The following NLGN1 variants were observed in gnomAD, a reference collection of about 807,000 sequenced individuals.
The protein encoded by NLGN1 is neuroligin 1.
Under a neutral mutation model 65.5 loss-of-function variants are expected in NLGN1, and 12 were observed. The ratio of observed to expected loss-of-function variants is 0.18; its 90% CI spans 0.12 to 0.30. NLGN1 has a LOEUF of 0.30. Ranked by LOEUF, NLGN1 falls within the 10% of genes least tolerant of loss-of-function variation. NLGN1 has a pLI of 1.00. For synonymous variants in NLGN1, 350 were observed against 359.5 expected (o/e 0.97, Z 0.30); for missense variants, 750 against 1,007.1 (o/e 0.74, Z 3.46).
chr3:174,047,927 A>G (rs1472983150), intron 4 of NLGN1, among the ~76,000 whole-genome samples: 1 of 152,106 alleles, frequency 6.6e-6, no homozygotes, highest in Non-Finnish European at 1.5e-5. Flanking sequence ...AGAGTTCAAA[A>G]TGGATGTTCT....
chr3:173,866,436 GTC>G (rs1183915295), intron 4 of NLGN1, among the ~76,000 whole-genome samples: 2 of 152,180 alleles, frequency 1.3e-5, no homozygotes, highest in African/African-American at 2.4e-5. Context: ...ACTAATGTAT[GTC>G]TCTCTGTAAA....
intron 4 of NLGN1, among the ~76,000 whole-genome samples, chr3:174,092,081 GATAA>G (rs150689881): frequency 0.021 from 3,245 of 152,262 alleles, 50 homozygotes; most frequent in Non-Finnish European, 0.028. Flanking sequence ...TGTATGAAGA[GATAA>G]ATAAAAGGAA....
At chr3:173,472,799 C>T (rs77564180) in intron 2 of NLGN1, among the ~76,000 whole-genome samples, 6 of 152,098 alleles carry the variant, frequency 3.9e-5, no homozygotes, top group Non-Finnish European at 7.4e-5. Flanking sequence ...TTTCAATTGT[C>T]GACCTAAAAA....
At chr3:173,817,922 T>C (rs1249740689) in intron 4 of NLGN1, among the ~76,000 whole-genome samples, 2 of 152,212 alleles carry the variant, frequency 1.3e-5, no homozygotes, top group Non-Finnish European at 2.9e-5. Context: ...TGATTTGGAA[T>C]AAGACTACAG....
intron 4 of NLGN1, among the ~76,000 whole-genome samples, chr3:174,121,477 G>A (rs1384940523): frequency 6.9e-6 from 1 of 144,158 alleles, no homozygotes; most frequent in Non-Finnish European, 1.5e-5. Context: ...TTCTAGACAA[G>A]TTGGCAAGTA....
chr3:173,575,020 A>T (rs967088849), intron 2 of NLGN1, among the ~76,000 whole-genome samples: 1 of 152,088 alleles, frequency 6.6e-6, no homozygotes, highest in African/African-American at 2.4e-5. Flanking sequence ...AAGTTGCTAG[A>T]ACCACAGTCT....
At chr3:174,138,189 G>A (rs1051146488) in intron 4 of NLGN1, among the ~76,000 whole-genome samples, 3 of 151,964 alleles carry the variant, frequency 2.0e-5, no homozygotes, top group Non-Finnish European at 2.9e-5. Flanking sequence ...GAATTTACCC[G>A]CATACTATAT....
chr3:173,817,282 T>G (rs1198955155), intron 4 of NLGN1, among the ~76,000 whole-genome samples: 2 of 152,200 alleles, frequency 1.3e-5, no homozygotes, highest in Non-Finnish European at 2.9e-5. Context: ...AGATTTAGGA[T>G]TTCTATGAAC....
At chr3:174,166,240 G>C (rs1178942563) in intron 4 of NLGN1, among the ~76,000 whole-genome samples, 1 of 151,882 alleles carries the variant, frequency 6.6e-6, no homozygotes, top group African/African-American at 2.4e-5. Flanking sequence ...GCTAGCTTTA[G>C]AGTTAGTTTT....
At chr3:173,925,615 A>G (rs993237564) in intron 4 of NLGN1, among the ~76,000 whole-genome samples, 4 of 152,198 alleles carry the variant, frequency 2.6e-5, no homozygotes, top group African/African-American at 9.6e-5. Flanking sequence ...TGGAACCAGG[A>G]CAGAAAGGAA....
intron 2 of NLGN1, among the ~76,000 whole-genome samples, chr3:173,512,543 G>T (rs9812990): frequency 2.6e-5 from 4 of 152,054 alleles, no homozygotes; most frequent in Non-Finnish European, 4.4e-5. Flanking sequence ...TGAGTCTGGG[G>T]TCTTATAGGC....
chr3:173,695,954 G>T (rs1307108711), intron 3 of NLGN1, among the ~76,000 whole-genome samples: 3 of 152,148 alleles, frequency 2.0e-5, no homozygotes, highest in Non-Finnish European at 4.4e-5. Flanking sequence ...TGAGACTACA[G>T]GTGTGAGCCA....
intron 3 of NLGN1, among the ~76,000 whole-genome samples, chr3:173,799,976 CTGT>C (rs1309280610): frequency 6.8e-6 from 1 of 146,804 alleles, no homozygotes; most frequent in African/African-American, 2.5e-5. Flanking sequence ...GCTAATAAAA[CTGT>C]TTACTTTTTT....
At chr3:173,978,630 T>A (rs908982750) in intron 4 of NLGN1, among the ~76,000 whole-genome samples, 9 of 151,898 alleles carry the variant, frequency 5.9e-5, no homozygotes, top group African/African-American at 2.2e-4. Context: ...AAGAATGTGA[T>A]GTCATTAAAG....
intron 2 of NLGN1, among the ~76,000 whole-genome samples, chr3:173,470,775 C>T (rs749473980): frequency 1.3e-5 from 2 of 152,078 alleles, no homozygotes; most frequent in South Asian, 2.1e-4. Context: ...TATCAATCTC[C>T]CAGTGCAGGC....
intron 4 of NLGN1, among the ~76,000 whole-genome samples, chr3:173,881,656 G>A (rs1399638864): frequency 6.6e-6 from 1 of 151,444 alleles, no homozygotes; most frequent in Non-Finnish European, 1.5e-5. Flanking sequence ...TCGATCTCCT[G>A]ACCTCGTGAT....
At chr3:174,174,398 ACT>A (rs1729077499) in intron 4 of NLGN1, among the ~76,000 whole-genome samples, 1 of 152,078 alleles carries the variant, frequency 6.6e-6, no homozygotes, top group African/African-American at 2.4e-5. Context: ...GAAACTCCAC[ACT>A]GTTTTTCATA....
intron 4 of NLGN1, among the ~76,000 whole-genome samples, chr3:173,824,924 T>G (rs1430717570): frequency 6.6e-6 from 1 of 152,096 alleles, no homozygotes; most frequent in Non-Finnish European, 1.5e-5. Flanking sequence ...TGACTAGCGT[T>G]GAACACCATG....
At chr3:173,691,653 G>A (rs1447313560) in intron 3 of NLGN1, among the ~76,000 whole-genome samples, 1 of 151,972 alleles carries the variant, frequency 6.6e-6, no homozygotes, top group Non-Finnish European at 1.5e-5. Context: ...CCTAGAGCTT[G>A]TGTTGAGATC....
Sources: gnomAD v4.1 joint callset for allele counts (sites outside exome capture counted in the v4.1 genomes callset) on GRCh38, gnomAD v4.1.1 for gene constraint, MANE v1.5 for transcripts, NCBI Gene and HGNC (gene_info 2026-07-23, HGNC 2026-07-21) for gene names.